Variants in MRPL33 observed in about 807,000 individuals in gnomAD.
The protein encoded by MRPL33 is mitochondrial ribosomal protein L33.
Under a neutral mutation model 10.1 loss-of-function variants are expected in MRPL33, and 5 were observed. The ratio of observed to expected loss-of-function variants is 0.49; its 90% CI spans 0.26 to 1.04. The LOEUF is 1.04. MRPL33 is among the 50% of genes least tolerant of loss of function. The pLI is 0.14. For synonymous variants in MRPL33, 24 were observed against 27.7 expected, an observed-to-expected ratio of 0.87 and a Z score of 0.42; for missense variants, 79 against 78.1, an observed-to-expected ratio of 1.01 and a Z score of -0.04.
intron 2 of MRPL33, among the ~76,000 whole-genome samples, chr2:27,773,991 C>T (rs1677100108): frequency 6.6e-6 from 1 of 152,156 alleles, no homozygotes; most frequent in African/African-American, 2.4e-5. Flanking sequence ...GCTTTAGTCT[C>T]TTTATTTTGT....
In MRPL33 at chr2:27,776,490, A is replaced by G. The variant is rs576447045; in HGVS notation, c.148+1960A>G. On this transcript the variant is annotated intron_variant, in intron 3 of 3. Coordinates refer to ENST00000296102, the MANE Select transcript of MRPL33 (RefSeq NM_004891.4). ...GTAAGGAAACGTGAAAAAATTCCCA[A>G]TTATTTGAGCATTTCATAATATAGT... is the stretch of plus-strand genomic sequence containing the variant. Among the ~76,000 whole-genome samples, 70 of 152,382 alleles carry G rather than the reference A, an allele frequency of 4.6e-4. 1 individual carries two copies. Among genetic ancestry groups the G allele is most frequent in the African/African-American group, 1.6e-3 (67 of 41,592 alleles).
chr2:27,772,036 C>T (rs1293129574), intron 1 of MRPL33: 3 of 506,960 alleles, frequency 5.9e-6, no homozygotes, highest in Non-Finnish European at 1.0e-5. Flanking sequence ...GCCGTCCTCA[C>T]GGACCGTTGA....
At chr2:27,775,491 A>G (rs1435010119) in intron 3 of MRPL33, among the ~76,000 whole-genome samples, 1 of 151,462 alleles carries the variant, frequency 6.6e-6, no homozygotes, top group Admixed American at 6.6e-5. Flanking sequence ...AGCTGGGACT[A>G]CAGGTGTGTG....
intron 2 of MRPL33, 28 bp from the exon 3 acceptor site, chr2:27,774,396 T>C (rs914310692): frequency 1.9e-6 from 3 of 1,585,962 alleles, no homozygotes; most frequent in Non-Finnish European, 2.6e-6. Flanking sequence ...CGTCAGCTCG[T>C]ACATAACAGC....
chr2:27,771,835 C>A, intron 1 of MRPL33, 36 bp downstream of exon 1: 1 of 1,608,258 alleles, frequency 6.2e-7, no homozygotes, highest in Non-Finnish European at 8.5e-7. Flanking sequence ...GGGGTTACGG[C>A]GAGGGTTAGG....
intron 3 of MRPL33, among the ~76,000 whole-genome samples, chr2:27,777,006 C>T (rs1012810019): frequency 5.9e-5 from 9 of 152,122 alleles, no homozygotes; most frequent in African/African-American, 9.7e-5. Context: ...GAGTTGGAAC[C>T]GAGTCTTTCT....
chr2:27,778,779 C>G (rs1677221201), intron 3 of MRPL33, among the ~76,000 whole-genome samples: 1 of 152,146 alleles, frequency 6.6e-6, no homozygotes, highest in Admixed American at 6.5e-5. Context: ...GTCTTGAACT[C>G]CCAGCCTCAG....
At position 27,779,679 on chromosome 2, in the gene MRPL33, C is replaced by T. The variant is rs576519816; in HGVS notation, c.*197C>T. 61 of 992,762 alleles carry T rather than the reference C, an allele frequency of 6.1e-5. No homozygotes were observed. In the African/African-American group the frequency reaches 9.4e-4, roughly 15 times the overall value. The allele number at this position is 992,762 out of a possible 1,614,324, so 61.5% of individuals were successfully genotyped here. ...TATTAGGACAGATATCATTGCATCA[C>T]ATTTATTTATCTTTCTGGGTATTTT... On this transcript the variant is annotated 3_prime_UTR_variant, in exon 4 of 4. Transcript: ENST00000296102.
intron 3 of MRPL33, among the ~76,000 whole-genome samples, chr2:27,778,388 C>T (rs970529117): frequency 6.6e-6 from 1 of 151,866 alleles, no homozygotes; most frequent in African/African-American, 2.4e-5. Flanking sequence ...GTGATTATTC[C>T]ATTTCTGGTG....
At chr2:27,779,345 A>G (rs906191010) in intron 3 of MRPL33, 88 bp from the exon 4 acceptor site, 19 of 1,391,498 alleles carry the variant, frequency 1.4e-5, no homozygotes, top group Non-Finnish European at 1.8e-5. Flanking sequence ...GAGAAAGGTG[A>G]GGGCTTATGG....
intron 3 of MRPL33, among the ~76,000 whole-genome samples, chr2:27,776,703 AACAAG>A (rs1677180648): frequency 6.6e-6 from 1 of 152,284 alleles, no homozygotes; most frequent in Non-Finnish European, 1.5e-5. Flanking sequence ...TGGATGACTA[AACAAG>A]ACAATATAGA....
chr2:27,772,617 AAG>A (rs1201144936), intron 1 of MRPL33, 55 bp from the exon 2 acceptor site: 9 of 1,368,478 alleles, frequency 6.6e-6, no homozygotes, highest in East Asian at 2.4e-5. Flanking sequence ...TTGCATAAGA[AAG>A]AGAATACATT....
chr2:27,777,360 T>A (rs1677196454), intron 3 of MRPL33, among the ~76,000 whole-genome samples: 1 of 146,248 alleles, frequency 6.8e-6, no homozygotes, highest in Non-Finnish European at 1.5e-5. Context: ...TGGAGCCAAA[T>A]TAATCTAAAA....
intron 1 of MRPL33, 75 bp from the exon 2 acceptor site, chr2:27,772,599 T>C (rs915070322): frequency 8.2e-7 from 1 of 1,214,434 alleles, no homozygotes; most frequent in African/African-American, 1.5e-5. Context: ...CTGATATTTA[T>C]ATGAACTTTG....
At chr2:27,772,167 C>G (rs1032151297) in intron 1 of MRPL33, 42 of 305,704 alleles carry the variant, frequency 1.4e-4, no homozygotes, top group African/African-American at 8.2e-4. Context: ...CCGAGAGGGG[C>G]AATGAATTGC....
intron 2 of MRPL33, among the ~76,000 whole-genome samples, chr2:27,773,325 G>A (rs969696546): frequency 6.6e-6 from 1 of 152,204 alleles, no homozygotes; most frequent in African/African-American, 2.4e-5. Context: ...CTTAAAGCTA[G>A]TCTTTTGGAT....
At chr2:27,772,953 G>C in intron 2 of MRPL33, 1 of 451,168 alleles carries the variant, frequency 2.2e-6, no homozygotes, top group Middle Eastern at 6.2e-4. Flanking sequence ...GGATTTGTGA[G>C]CTCACTGTCT....
chr2:27,777,968 T>C (rs769413716), intron 3 of MRPL33, among the ~76,000 whole-genome samples: 33 of 152,248 alleles, frequency 2.2e-4, no homozygotes, highest in Admixed American at 9.2e-4. Flanking sequence ...CATCTTGTAA[T>C]GCATTAATGC....
intron 3 of MRPL33, among the ~76,000 whole-genome samples, chr2:27,776,567 GTA>G (rs1221790983): frequency 6.6e-6 from 1 of 152,240 alleles, no homozygotes; most frequent in Non-Finnish European, 1.5e-5. Flanking sequence ...CCTTTTCCAC[GTA>G]TAAAACTAGA....
Sources: gnomAD v4.1 joint callset for allele counts (sites outside exome capture counted in the v4.1 genomes callset) on GRCh38, gnomAD v4.1.1 for gene constraint, MANE v1.5 for transcripts, NCBI Gene and HGNC (gene_info 2026-07-23, HGNC 2026-07-21) for gene names.